Variants in AGTPBP1 observed in about 807,000 individuals in gnomAD.
AGTPBP1 encodes cytosolic carboxypeptidase 1.
AGTPBP1 carries 70 observed loss-of-function variants against 143.9 expected under a neutral mutation model. The ratio of observed to expected loss-of-function variants is 0.49; its 90% CI spans 0.40 to 0.59. AGTPBP1 has a LOEUF of 0.59. AGTPBP1 is among the 20% of genes least tolerant of loss of function. AGTPBP1 has a pLI of 0.00. For synonymous variants in AGTPBP1, 463 were observed against 500.2 expected, an observed-to-expected ratio of 0.93 and a Z score of 0.99; for missense variants, 1,229 against 1,464.5, an observed-to-expected ratio of 0.84 and a Z score of 2.62.
chr9:85,607,628 A>C (rs530731510), intron 17 of AGTPBP1, among the ~76,000 whole-genome samples: 31 of 152,292 alleles, frequency 2.0e-4, no homozygotes, highest in South Asian at 6.2e-4. Flanking sequence ...AAATTGCCAG[A>C]GTGCCAATGG....
At chr9:85,751,796 G>A in the AGTPBP1 span, among the ~76,000 whole-genome samples, 3 of 151,862 alleles carry the variant, frequency 2.0e-5, no homozygotes, top group Non-Finnish European at 2.9e-5. Flanking sequence ...TAGTAGAGAC[G>A]GGGTTTCCCC....
In AGTPBP1 at chr9:85,632,824, A is replaced by T; in HGVS notation, c.1853T>A (p.Val618Glu). Residue 618 changes from valine to glutamate, a missense_variant, in exon 14 of 26, where the codon GTA becomes GAA. By Grantham distance (121) the Val-to-Glu change is moderately radical. This residue lies in a region of AGTPBP1 where 743 missense variants were observed against 812.2 expected (regional missense o/e 0.91). Coordinates refer to ENST00000357081, the MANE Select transcript of AGTPBP1 (RefSeq NM_001330701.2). ...NSSVEQASVE[V>E]PDGPTLHDPD... ...GTCATGGAGTGTTGGTCCATCAGGTACTTCAACCGATGCTTGTTCTACCGA... is the reference window on the plus strand; with the variant it reads ...GTCATGGAGTGTTGGTCCATCAGGTTCTTCAACCGATGCTTGTTCTACCGA... The T allele has an allele frequency of 6.2e-7, 1 of 1,614,168 alleles. No individual in the cohort carries two copies. The highest frequency in any genetic ancestry group is 8.5e-7 in the Non-Finnish European group (1 of 1,180,016).
At chr9:85,801,498 G>A in the AGTPBP1 span, among the ~76,000 whole-genome samples, 1 of 151,938 alleles carries the variant, frequency 6.6e-6, no homozygotes, top group Admixed American at 6.6e-5. Flanking sequence ...GTTTGATGTG[G>A]CAGAGCTAGC....
chr9:85,701,139 T>C (rs1443839196), intron 2 of AGTPBP1, among the ~76,000 whole-genome samples: 1 of 152,084 alleles, frequency 6.6e-6, no homozygotes, highest in African/African-American at 2.4e-5. Context: ...CTTGAACTCC[T>C]GGCCTCAAGT....
intron 17 of AGTPBP1, among the ~76,000 whole-genome samples, chr9:85,600,853 C>T (rs1829622014): frequency 6.6e-6 from 1 of 152,182 alleles, no homozygotes; most frequent in Admixed American, 6.5e-5. Flanking sequence ...CCCACAGCCA[C>T]CAATGCCACA....
intron 2 of AGTPBP1, among the ~76,000 whole-genome samples, chr9:85,698,086 G>A (rs1836386932): frequency 1.3e-5 from 2 of 151,434 alleles, no homozygotes; most frequent in African/African-American, 2.4e-5. Flanking sequence ...CTTTTAAAAG[G>A]TCATCTTTTT....
rs747500712 is a variant in AGTPBP1, at chr9:85,585,574, G to A, written c.3054C>T (p.Gly1018=). ...RLPLVYCDYH[G]HSRKKNVFMY... ...TAAATACATTCTTCTTTCGGGAATG[G>A]CCATGATAATCACAATAAACCTTGA... The change falls in exon 23 of 26, where the codon GGC becomes GGT. Residue 1018 remains glycine (G), a synonymous_variant. Coordinates refer to ENST00000357081, the MANE Select transcript of AGTPBP1 (RefSeq NM_001330701.2). The A allele has an allele frequency of 8.1e-6, 13 of 1,605,224 alleles. No homozygotes were observed. Among genetic ancestry groups the A allele is most frequent in the Non-Finnish European group, 1.1e-5 (13 of 1,176,104 alleles).
At chr9:85,580,720 T>C (rs956874113) in intron 23 of AGTPBP1, among the ~76,000 whole-genome samples, 2 of 152,218 alleles carry the variant, frequency 1.3e-5, no homozygotes, top group African/African-American at 4.8e-5. Context: ...AAGGACAATT[T>C]GGCAATACTT....
the AGTPBP1 span, among the ~76,000 whole-genome samples, chr9:85,769,526 A>G: frequency 6.8e-6 from 1 of 147,686 alleles, no homozygotes; most frequent in Non-Finnish European, 1.5e-5. Flanking sequence ...TGTCCAAAAA[A>G]AAAAAAAAAA....
At chr9:85,695,690 T>C (rs1382252990) in intron 2 of AGTPBP1, among the ~76,000 whole-genome samples, 5 of 152,166 alleles carry the variant, frequency 3.3e-5, no homozygotes, top group Admixed American at 2.6e-4. Context: ...AATATGATGG[T>C]TATCTTGGGA....
At chr9:85,714,916 TA>T (rs1837606281) in intron 1 of AGTPBP1, among the ~76,000 whole-genome samples, 1 of 152,118 alleles carries the variant, frequency 6.6e-6, no homozygotes, top group African/African-American at 2.4e-5. Context: ...GTGTAATGCC[TA>T]AAAAACTTCT....
chr9:85,587,237 T>C (rs1828673229), intron 21 of AGTPBP1, among the ~76,000 whole-genome samples: 2 of 152,066 alleles, frequency 1.3e-5, no homozygotes, highest in Non-Finnish European at 2.9e-5. Context: ...ATAGAAAAAA[T>C]TCTTAACTCC....
Position 85,655,323 on chromosome 9 carries a change from G to GT in AGTPBP1, c.910-4dup. 2 of 1,473,416 alleles carry GT rather than the reference G, an allele frequency of 1.4e-6. No homozygotes were observed. Among genetic ancestry groups the GT allele is most frequent in the South Asian group, 2.8e-5 (2 of 72,160 alleles). The allele number at this position is 1,473,416 out of a possible 1,614,324, so 91.3% of individuals were successfully genotyped here. A position where few individuals can be genotyped will look rare whatever the true frequency, so the allele number is the denominator to read the frequency against. On this transcript the variant is annotated splice_polypyrimidine_tract_variant and splice_region_variant and intron_variant, in intron 10 of 25. Transcript: ENST00000357081. Reference sequence around the variant, plus strand: ...AGAGTCCTGACTGCCAGACATTCCTGTTTTTTAAAAAAAGAAAAAGAAAAA... The same window carrying GT: ...AGAGTCCTGACTGCCAGACATTCCTGTTTTTTTAAAAAAAGAAAAAGAAAAA...
At chr9:85,661,550 A>T (rs148807839) in intron 8 of AGTPBP1, among the ~76,000 whole-genome samples, 1 of 152,204 alleles carries the variant, frequency 6.6e-6, no homozygotes, top group African/African-American at 2.4e-5. Flanking sequence ...CACCAAGATG[A>T]ATAAGAAGCC....
chr9:85,742,513 C>T (rs1588021365), upstream of AGTPBP1, among the ~76,000 whole-genome samples: 4 of 152,312 alleles, frequency 2.6e-5, 1 homozygote, highest in Admixed American at 2.6e-4. Flanking sequence ...AAGGGACATG[C>T]TGTTACTACA....
chr9:85,679,922 G>A (rs928899391), intron 4 of AGTPBP1, among the ~76,000 whole-genome samples: 4 of 151,966 alleles, frequency 2.6e-5, no homozygotes, highest in South Asian at 4.1e-4. Context: ...CTAGTATTAT[G>A]ATTCCATTTT....
chr9:85,717,671 G>A (rs978739082), intron 1 of AGTPBP1, among the ~76,000 whole-genome samples: 3 of 149,884 alleles, frequency 2.0e-5, no homozygotes, highest in Admixed American at 6.6e-5. Context: ...AATGGGATGA[G>A]TATCCTTTTT....
rs374703334 is a variant in AGTPBP1 at position 85,735,006 on chromosome 9, G to C, written c.-34+6769C>G. Among the ~76,000 whole-genome samples the C allele has an allele frequency of 1.7e-3, 258 of 152,254 alleles. 8 individuals carry two copies. The South Asian group carries it at 0.052, about 31-fold the overall frequency. ...GCTGAGATCGCGCCACTGCCCTCCA[G>C]CCTGGGCAACACAGCGAGACTCCAT... On this transcript the variant is annotated intron_variant, in intron 1 of 25. Transcript: ENST00000357081.
intron 6 of AGTPBP1, among the ~76,000 whole-genome samples, chr9:85,676,570 G>C (rs1311270032): frequency 6.6e-6 from 1 of 151,954 alleles, no homozygotes; most frequent in East Asian, 1.9e-4. Flanking sequence ...GTGAGGATAA[G>C]GAACTCTCAC....
Sources: allele counts gnomAD v4.1 joint callset (sites outside exome capture counted in the v4.1 genomes callset), GRCh38; gene constraint gnomAD v4.1.1; regional missense constraint gnomAD v4.1.1; transcripts MANE v1.5; gene names NCBI Gene and HGNC (gene_info 2026-07-23, HGNC 2026-07-21).